FGD3: variants seen among roughly 807,000 people sequenced by gnomAD.
FGD3 encodes FYVE, RhoGEF and PH domain containing 3, also known as FYVE, RhoGEF and PH domain-containing protein 3.
Under a neutral mutation model 71.8 loss-of-function variants are expected in FGD3, and 45 were observed. The observed-to-expected ratio is 0.63, with a 90% confidence interval of 0.49 to 0.80. The LOEUF is 0.80. Ranked by LOEUF, FGD3 falls within the 30% of genes least tolerant of loss-of-function variation. The pLI, the probability that FGD3 is intolerant of heterozygous loss-of-function variation, is 0.00. For synonymous variants in FGD3, 378 were observed against 392.8 expected (o/e 0.96, Z 0.44); for missense variants, 844 against 951.5 (o/e 0.89, Z 1.49).
chr9:92,976,291 G>C lies in FGD3; in HGVS notation c.35G>C (p.Gly12Ala), dbSNP rs1308693871. 2 of 1,607,950 alleles carry C rather than the reference G, an allele frequency of 1.2e-6. No individual in the cohort carries two copies. The highest frequency in any genetic ancestry group is 1.7e-5 in the Admixed American group (1 of 59,788). The change falls in exon 3 of 18, where the codon GGA becomes GCA. Residue 12 changes from glycine to alanine, a missense_variant. Coordinates refer to ENST00000375482, the MANE Select transcript of FGD3 (RefSeq NM_001083536.2). ...GGCAGGGGGTCCTCAACCCCTCCAGGACCCATTGCTGCCCTAGGGATGCCA... is the reference window on the plus strand; with the variant it reads ...GGCAGGGGGTCCTCAACCCCTCCAGCACCCATTGCTGCCCTAGGGATGCCA... ...ESGRGSSTPP[G>A]PIAALGMPDT...
chr9:92,987,172 C>T (rs1362818772), intron 3 of FGD3, among the ~76,000 whole-genome samples: 1 of 152,102 alleles, frequency 6.6e-6, no homozygotes, highest in Non-Finnish European at 1.5e-5. Context: ...GTGGCTCACG[C>T]CTGTAATGCC....
intron 3 of FGD3, among the ~76,000 whole-genome samples, 182 bp from the exon 4 acceptor site, chr9:93,002,743 C>T (rs1860902485): frequency 6.6e-6 from 1 of 152,152 alleles, no homozygotes; most frequent in African/African-American, 2.4e-5. Context: ...AGTCAAAGGC[C>T]CATCTATGAG....
chr9:92,983,346 C>A (rs1317092685), intron 3 of FGD3, among the ~76,000 whole-genome samples: 1 of 151,706 alleles, frequency 6.6e-6, no homozygotes, highest in Non-Finnish European at 1.5e-5. Flanking sequence ...TATGGTGAAA[C>A]CCCGTCTCTA....
chr9:93,022,886 G>T (rs376662099), intron 14 of FGD3, among the ~76,000 whole-genome samples: 1 of 152,138 alleles, frequency 6.6e-6, no homozygotes, highest in African/African-American at 2.4e-5. Flanking sequence ...CTGTGTTCTC[G>T]TGTGCCTTAT....
At chr9:93,030,814 G>A (rs1334255413) in intron 15 of FGD3, among the ~76,000 whole-genome samples, 2 of 152,070 alleles carry the variant, frequency 1.3e-5, no homozygotes, top group Non-Finnish European at 2.9e-5. Context: ...GGTTGGAGAG[G>A]TGGGTGTATC....
At chr9:93,015,862 C>T in intron 10 of FGD3, 33 bp downstream of exon 10, 1 of 1,596,798 alleles carries the variant, frequency 6.3e-7, no homozygotes, top group Non-Finnish European at 8.6e-7. Flanking sequence ...AACCTGTCCC[C>T]CTGGAAGGGG....
chr9:92,971,195 G>T (rs1471126448), intron 1 of FGD3, among the ~76,000 whole-genome samples: 1 of 152,128 alleles, frequency 6.6e-6, no homozygotes, highest in South Asian at 2.1e-4. Context: ...TGTGAATTGG[G>T]GGGTACCGAC....
At chr9:93,001,989 G>A (rs1860873135) in intron 3 of FGD3, among the ~76,000 whole-genome samples, 1 of 152,170 alleles carries the variant, frequency 6.6e-6, no homozygotes, top group South Asian at 2.1e-4. Flanking sequence ...CACTATGTGA[G>A]GGGATAGTGT....
Position 93,032,802 on chromosome 9 carries a change from G to A in FGD3, c.1714G>A (p.Glu572Lys), listed in dbSNP as rs750443604. The A allele has an allele frequency of 7.4e-6, 12 of 1,614,256 alleles. No homozygotes were observed. Among genetic ancestry groups the A allele is most frequent in the Middle Eastern group, 1.6e-4 (1 of 6,062 alleles). The change falls in exon 16 of 18, where the codon GAG becomes AAG. Residue 572 changes from glutamate to lysine, a missense_variant. Coordinates refer to ENST00000375482, the MANE Select transcript of FGD3 (RefSeq NM_001083536.2). ...TGGGAAGTGCTCCGAGTTCAAGGCC[G>A]AGAACAGCCGGCAGAGCCGTGTCTG... Reference protein sequence around the residue: ...ICGKCSEFKAENSRQSRVCRD... With the variant: ...ICGKCSEFKAKNSRQSRVCRD...
intron 1 of FGD3, among the ~76,000 whole-genome samples, chr9:92,971,716 C>T (rs1317356378): frequency 6.6e-6 from 1 of 151,434 alleles, no homozygotes; most frequent in Non-Finnish European, 1.5e-5. Context: ...GCTGGGATTA[C>T]AGGAGCCCAC....
intron 14 of FGD3, among the ~76,000 whole-genome samples, chr9:93,022,962 G>A (rs1257151876): frequency 6.6e-6 from 1 of 152,140 alleles, no homozygotes; most frequent in Non-Finnish European, 1.5e-5. Flanking sequence ...GCCTGCCAGG[G>A]GATAGGGAAC....
At position 92,969,054 on chromosome 9, in the gene FGD3, G is replaced by A. The variant is rs1003328506; in HGVS notation, c.-217-6184G>A. Among the ~76,000 whole-genome samples the A allele has an allele frequency of 6.6e-6, 1 of 152,232 alleles. No individual in the cohort carries two copies. Among genetic ancestry groups the A allele is most frequent in the Admixed American group, 6.5e-5 (1 of 15,290 alleles). On this transcript the variant is annotated intron_variant, in intron 1 of 17. Coordinates refer to ENST00000375482, the MANE Select transcript of FGD3 (RefSeq NM_001083536.2). This position sits in a 1 kb window ranked among gnomAD's most constrained non-coding sequence, Gnocchi z 4.5. The stretch of plus-strand genomic sequence containing the variant: ...GTGAGAAGCCATATGGGGACCAGCG[G>A]ATATAGGCAGTTCACATGGTTTATT...
At chr9:93,033,744 C>A (rs1409571664) in intron 16 of FGD3, 1 of 152,470 alleles carries the variant, frequency 6.6e-6, no homozygotes, top group Non-Finnish European at 1.5e-5. Flanking sequence ...TAGTGTTGAT[C>A]TCCCTCCTAG....
intron 13 of FGD3, among the ~76,000 whole-genome samples, chr9:93,021,262 C>T (rs960640430): frequency 6.6e-4 from 100 of 152,332 alleles, no homozygotes; most frequent in African/African-American, 2.3e-3. Context: ...CCCATCCTCA[C>T]GTGGAGCTGC....
Position 93,003,089 on chromosome 9 carries a change from C to A in FGD3, c.543+75C>A. On this transcript the variant is annotated intron_variant, in intron 4 of 17. Transcript: ENST00000375482. This position sits in a 1 kb window ranked among gnomAD's most constrained non-coding sequence, Gnocchi z 4.1. ...GGCATTATAGGTGCAGTGTGAATGA[C>A]TTAAATACTAAAACTCAGACAAATT... 4 of 1,324,510 alleles carry A rather than the reference C, an allele frequency of 3.0e-6. No individual in the cohort carries two copies. The highest frequency in any genetic ancestry group is 4.3e-6 in the Non-Finnish European group (4 of 935,522). The allele number at this position is 1,324,510 out of a possible 1,614,324, so 82.0% of individuals were successfully genotyped here. A position where few individuals can be genotyped will look rare whatever the true frequency, so the allele number is the denominator to read the frequency against.
chr9:92,973,348 C>T (rs1859607295), intron 1 of FGD3, among the ~76,000 whole-genome samples: 1 of 152,136 alleles, frequency 6.6e-6, no homozygotes, highest in African/African-American at 2.4e-5. Context: ...CTCCTGCCCT[C>T]AAGTGATCCA....
In FGD3 at chr9:93,003,575, G is replaced by C. The variant is rs138311603; in HGVS notation, c.544-426G>C. On this transcript the variant is annotated intron_variant, in intron 4 of 17. Transcript: ENST00000375482. This position sits in a 1 kb window ranked among gnomAD's most constrained non-coding sequence, Gnocchi z 4.1. The stretch of plus-strand genomic sequence containing the variant: ...TTTTCTGCATAAGTACTTGGGACAG[G>C]GTTTGCCACTCATCTCTATCCACAT... Among the ~76,000 whole-genome samples the C allele has an allele frequency of 9.2e-4, 140 of 152,322 alleles. No individual in the cohort carries two copies. Among genetic ancestry groups the C allele is most frequent in the African/African-American group, 3.3e-3 (139 of 41,574 alleles).
intron 3 of FGD3, among the ~76,000 whole-genome samples, chr9:92,987,718 G>C (rs937366327): frequency 6.6e-6 from 1 of 152,182 alleles, no homozygotes; most frequent in Non-Finnish European, 1.5e-5. Flanking sequence ...TGCATGCCCA[G>C]TGGCCCACCA....
At chr9:92,955,036 GT>G (rs1282195795) in intron 1 of FGD3, among the ~76,000 whole-genome samples, 1 of 152,232 alleles carries the variant, frequency 6.6e-6, no homozygotes, top group Non-Finnish European at 1.5e-5. Context: ...TCTAAAGCTG[GT>G]GTGGTCAGGT....
Sources: allele counts gnomAD v4.1 joint callset (sites outside exome capture counted in the v4.1 genomes callset), GRCh38; gene constraint gnomAD v4.1.1; non-coding constraint Gnocchi (gnomAD v3.1); transcripts MANE v1.5; gene names NCBI Gene and HGNC (gene_info 2026-07-23, HGNC 2026-07-21).